RLF: variants seen among roughly 807,000 people sequenced by gnomAD.
RLF encodes the protein zinc finger protein Rlf.
A neutral mutation model predicts 162.9 loss-of-function variants in RLF; 7 were observed. The observed-to-expected ratio is 0.04, with a 90% CI of 0.02 to 0.08. The LOEUF (loss-of-function observed/expected upper bound fraction) is 0.08, where lower values mean the gene tolerates loss of function less well. RLF is among the 10% of genes least tolerant of loss of function. The probability of loss-of-function intolerance (pLI) is 1.00; values close to 1 mark genes in which losing one functional copy is unlikely to be tolerated. For synonymous variants in RLF, 782 were observed against 791.5 expected, an observed-to-expected ratio of 0.99 and a Z score of 0.20; for missense variants, 1,664 against 2,244.7, an observed-to-expected ratio of 0.74 and a Z score of 5.23.
At chr1:40,179,105 G>A (rs949692145) in intron 1 of RLF, among the ~76,000 whole-genome samples, 2 of 152,182 alleles carry the variant, frequency 1.3e-5, no homozygotes, top group African/African-American at 4.8e-5. Context: ...AAAATGCTGG[G>A]ATTACAGGCA....
At chr1:40,228,097 C>T (rs1209894914) in intron 6 of RLF, among the ~76,000 whole-genome samples, 2 of 151,930 alleles carry the variant, frequency 1.3e-5, no homozygotes, top group African/African-American at 4.8e-5. Flanking sequence ...CCAGCCTGGC[C>T]AACATGGTGA....
intron 5 of RLF, among the ~76,000 whole-genome samples, chr1:40,216,214 G>A (rs981296030): frequency 1.3e-5 from 2 of 152,142 alleles, no homozygotes; most frequent in African/African-American, 4.8e-5. Flanking sequence ...AGGTGCGGAG[G>A]CTCAACGCCT....
chr1:40,205,599 C>G (rs972980540), intron 5 of RLF, among the ~76,000 whole-genome samples: 6 of 150,630 alleles, frequency 4.0e-5, no homozygotes, highest in Middle Eastern at 3.4e-3. Flanking sequence ...ACGCCATTCT[C>G]CTGCCTCAGC....
chr1:40,192,025 C>G (rs1260756700), intron 3 of RLF, among the ~76,000 whole-genome samples: 1 of 152,212 alleles, frequency 6.6e-6, no homozygotes, highest in African/African-American at 2.4e-5. Context: ...TATTAACAGA[C>G]ACACTTCATT....
rs764718153 is a variant in RLF, at chr1:40,238,537, A to C, written c.3835A>C (p.Arg1279=). ...SDISSPIGSH[R]EEQEGREGRG... ...CATTTCATCACCAATAGGCAGCCAT[A>C]GAGAAGAACAAGAAGGAAGAGAGGG... Residue 1279 remains arginine, a synonymous_variant, in exon 8 of 8, where the codon AGA becomes CGA. Transcript: ENST00000372771. The surrounding 1 kb of genome is among the most constrained non-coding windows in gnomAD (Gnocchi z 5.2). 1 of 1,613,766 alleles carries C rather than the reference A, an allele frequency of 6.2e-7. No individual in the cohort carries two copies. The highest frequency in any genetic ancestry group is 2.2e-5 in the East Asian group (1 of 44,890).
chr1:40,231,480 A>T (rs1357436035), intron 6 of RLF, 37 bp from the exon 7 acceptor site: 21 of 1,591,390 alleles, frequency 1.3e-5, no homozygotes, highest in Non-Finnish European at 1.8e-5. Context: ...AATACCAGTT[A>T]CTTTAAATGT....
chr1:40,222,298 A>G (rs907456316), intron 5 of RLF, among the ~76,000 whole-genome samples: 3 of 152,216 alleles, frequency 2.0e-5, no homozygotes, highest in Non-Finnish European at 4.4e-5. Context: ...ATTATTATAT[A>G]TAATTTGACT....
At chr1:40,187,850 G>C (rs1642502804) in intron 1 of RLF, among the ~76,000 whole-genome samples, 1 of 152,166 alleles carries the variant, frequency 6.6e-6, no homozygotes, top group South Asian at 2.1e-4. Context: ...GTTATTTGTA[G>C]TTGTTTAGGC....
chr1:40,205,507 T>TG (rs1329383846), intron 5 of RLF, among the ~76,000 whole-genome samples: 5 of 129,504 alleles, frequency 3.9e-5, no homozygotes, highest in Admixed American at 2.3e-4. Flanking sequence ...TTTTTTTTTT[T>TG]GGGACAGAGT....
intron 7 of RLF, among the ~76,000 whole-genome samples, 193 bp from the exon 8 acceptor site, chr1:40,235,599 G>A (rs1003452467): frequency 6.6e-6 from 1 of 152,134 alleles, no homozygotes; most frequent in Non-Finnish European, 1.5e-5. Context: ...TACATTGTTC[G>A]TAGTTGTAGC....
At chr1:40,182,182 C>A (rs1190708319) in intron 1 of RLF, among the ~76,000 whole-genome samples, 1 of 152,070 alleles carries the variant, frequency 6.6e-6, no homozygotes, top group African/African-American at 2.4e-5. Flanking sequence ...GCCTGTAATT[C>A]CAGCACTTTG....
At chr1:40,218,793 T>G (rs1642957582) in intron 5 of RLF, among the ~76,000 whole-genome samples, 1 of 152,234 alleles carries the variant, frequency 6.6e-6, no homozygotes, top group Non-Finnish European at 1.5e-5. Context: ...CATTCATGGG[T>G]CTGGCACTGT....
At chr1:40,188,994 G>A in intron 1 of RLF, 61 bp from the exon 2 acceptor site, 2 of 1,189,398 alleles carry the variant, frequency 1.7e-6, no homozygotes, top group Admixed American at 2.3e-5. Flanking sequence ...GTGTGTTTGA[G>A]GACAAAGACA....
At chr1:40,217,764 G>C (rs1189887021) in intron 5 of RLF, among the ~76,000 whole-genome samples, 1 of 151,866 alleles carries the variant, frequency 6.6e-6, no homozygotes, top group Non-Finnish European at 1.5e-5. Flanking sequence ...AGAGCAATCC[G>C]TCTCAAAAAA....
chr1:40,182,092 A>G (rs1642411122), intron 1 of RLF, among the ~76,000 whole-genome samples: 2 of 152,212 alleles, frequency 1.3e-5, no homozygotes, highest in African/African-American at 2.4e-5. Flanking sequence ...ATAAATGGAA[A>G]GACGTTATAG....
chr1:40,204,337 C>T (rs2124543927), intron 5 of RLF, among the ~76,000 whole-genome samples: 1 of 151,738 alleles, frequency 6.6e-6, no homozygotes, highest in Admixed American at 6.6e-5. Flanking sequence ...CTTAATTGTA[C>T]TTGTTTGACT....
At chr1:40,218,793 T>C (rs1642957582) in intron 5 of RLF, among the ~76,000 whole-genome samples, 1 of 152,234 alleles carries the variant, frequency 6.6e-6, no homozygotes, top group South Asian at 2.1e-4. Flanking sequence ...CATTCATGGG[T>C]CTGGCACTGT....
At position 40,161,711 on chromosome 1, in the gene RLF, C is replaced by T; in HGVS notation, c.237+75C>T. Reference sequence around the variant, plus strand: ...AAGGAGGCCCTGGATCCTCTGTAAGCAGCCGGGTCCAAACTGAAAGGCGCC... The same window carrying T: ...AAGGAGGCCCTGGATCCTCTGTAAGTAGCCGGGTCCAAACTGAAAGGCGCC... On this transcript the variant is annotated intron_variant, in intron 1 of 7. Transcript: ENST00000372771. The surrounding 1 kb of genome is among the most constrained non-coding windows in gnomAD (Gnocchi z 4.4). 6.4e-7 allele frequency: 1 copy of T among 1,557,118 alleles called. No individual in the cohort carries two copies. Among genetic ancestry groups the T allele is most frequent in the African/African-American group, 1.4e-5 (1 of 72,124 alleles).
At chr1:40,207,388 T>C (rs1642810353) in intron 5 of RLF, among the ~76,000 whole-genome samples, 1 of 152,240 alleles carries the variant, frequency 6.6e-6, no homozygotes, top group Non-Finnish European at 1.5e-5. Context: ...TTTATATTTC[T>C]CTCTCTCAGC....
Sources: allele counts gnomAD v4.1 joint callset (sites outside exome capture counted in the v4.1 genomes callset), GRCh38; gene constraint gnomAD v4.1.1; non-coding constraint Gnocchi (gnomAD v3.1); transcripts MANE v1.5; gene names NCBI Gene and HGNC (gene_info 2026-07-23, HGNC 2026-07-21).